Variants in PVT1 observed in about 807,000 individuals in gnomAD.
PVT1 encodes the protein Pvt1 oncogene.
At chr8:128,088,513 C>A (rs1190124748) in intron 5 of PVT1, among the ~76,000 whole-genome samples, 3 of 152,138 alleles carry the variant, frequency 2.0e-5, no homozygotes, top group African/African-American at 7.2e-5. Flanking sequence ...GCGAGGTTCC[C>A]CATTTGCAGG....
At chr8:127,936,758 C>G (rs918505612) in intron 3 of PVT1, among the ~76,000 whole-genome samples, 1 of 152,174 alleles carries the variant, frequency 6.6e-6, no homozygotes, top group African/African-American at 2.4e-5. Context: ...AACCTCACCC[C>G]TAATGTAACT....
chr8:127,805,031 A>G (rs1324179245), intron 2 of PVT1, among the ~76,000 whole-genome samples: 1 of 150,984 alleles, frequency 6.6e-6, no homozygotes, highest in Non-Finnish European at 1.5e-5. Context: ...CCCGGGTTCA[A>G]GTGATTCTCC....
chr8:127,817,909 C>G (rs922250776), intron 2 of PVT1, among the ~76,000 whole-genome samples: 4 of 151,932 alleles, frequency 2.6e-5, no homozygotes, highest in African/African-American at 9.7e-5. Flanking sequence ...GAGATTAACT[C>G]GGAGCCTGGA....
chr8:127,816,899 A>G (rs1224819450), intron 2 of PVT1, among the ~76,000 whole-genome samples: 1 of 152,166 alleles, frequency 6.6e-6, no homozygotes, highest in Non-Finnish European at 1.5e-5. Flanking sequence ...GTCTCTGCTG[A>G]TGCCTGCTGC....
intron 4 of PVT1, among the ~76,000 whole-genome samples, chr8:128,033,388 C>G (rs1220847723): frequency 6.6e-6 from 1 of 152,116 alleles, no homozygotes. Context: ...TTATGTGACT[C>G]TTGCAGCCAG....
At chr8:127,846,171 A>G (rs931743161) in intron 2 of PVT1, among the ~76,000 whole-genome samples, 1 of 152,248 alleles carries the variant, frequency 6.6e-6, no homozygotes, top group Non-Finnish European at 1.5e-5. Flanking sequence ...AAGTGGTAAT[A>G]AAAGTGAACA....
intron 5 of PVT1, among the ~76,000 whole-genome samples, chr8:128,091,615 G>A (rs1297176574): frequency 6.6e-6 from 1 of 152,160 alleles, no homozygotes; most frequent in Non-Finnish European, 1.5e-5. Flanking sequence ...TGAAAGAGCG[G>A]TAAGGTGACA....
intron 2 of PVT1, among the ~76,000 whole-genome samples, chr8:127,833,767 G>A (rs1227371978): frequency 6.6e-6 from 1 of 152,152 alleles, no homozygotes; most frequent in Non-Finnish European, 1.5e-5. Flanking sequence ...TGGCCCGAGG[G>A]CATTGGCTCT....
intron 3 of PVT1, among the ~76,000 whole-genome samples, chr8:127,921,207 GC>G (rs1313018349): frequency 6.6e-6 from 1 of 152,162 alleles, no homozygotes; most frequent in African/African-American, 2.4e-5. Flanking sequence ...CCTCCTGTGT[GC>G]CGAGCGCTGA....
rs550517351 is a variant in PVT1, at chr8:128,098,878, T to G, written n.1251+2224T>G. On this transcript the variant is annotated intron_variant and non_coding_transcript_variant, in intron 6 of 10. Coordinates refer to ENST00000651587, the Ensembl canonical transcript of PVT1. ...CAGGGACTTTTGTGCCCTCCTTCTC[T>G]GTTACCAGCAAGAGTGAGTCCTGCA... 4.5e-4 allele frequency among the ~76,000 whole-genome samples: 69 copies of G among 152,336 alleles called. 1 individual carries two copies. In the South Asian group the frequency reaches 0.013, roughly 30 times the overall value.
At chr8:127,916,024 C>T (rs1586434413) in intron 3 of PVT1, among the ~76,000 whole-genome samples, 1 of 152,374 alleles carries the variant, frequency 6.6e-6, no homozygotes, top group Admixed American at 6.5e-5. Context: ...GGACTCCCCA[C>T]ATCCCACTTA....
intron 5 of PVT1, among the ~76,000 whole-genome samples, chr8:128,086,069 T>C (rs1286537379): frequency 1.3e-5 from 2 of 152,224 alleles, no homozygotes; most frequent in African/African-American, 4.8e-5. Flanking sequence ...AAAATGTATT[T>C]TGCAAAAGGG....
In PVT1 at chr8:127,979,401, C is replaced by T. The variant is rs143320018; in HGVS notation, n.783-9761C>T. Among the ~76,000 whole-genome samples, 18 of 152,350 alleles carry T rather than the reference C, an allele frequency of 1.2e-4. 1 individual carries two copies. In the Middle Eastern group the frequency reaches 0.017, roughly 144 times the overall value. On this transcript the variant is annotated intron_variant and non_coding_transcript_variant, in intron 3 of 10. Coordinates refer to ENST00000651587, the Ensembl canonical transcript of PVT1. ...GCTCCCATTTGCTATGATATGTTTGCCCTTCTGGTCCTGGAACCTTCATCT... is the reference window on the plus strand; with the variant it reads ...GCTCCCATTTGCTATGATATGTTTGTCCTTCTGGTCCTGGAACCTTCATCT...
At chr8:127,897,057 G>T (rs1384689204) in intron 3 of PVT1, among the ~76,000 whole-genome samples, 2 of 152,146 alleles carry the variant, frequency 1.3e-5, no homozygotes, top group Non-Finnish European at 1.5e-5. Flanking sequence ...AGTGTAACAA[G>T]CCTTGAGAAA....
At chr8:127,889,409 C>T (rs939246212) in intron 2 of PVT1, among the ~76,000 whole-genome samples, 2 of 151,404 alleles carry the variant, frequency 1.3e-5, no homozygotes, top group African/African-American at 2.4e-5. Flanking sequence ...GGATTACAGG[C>T]GTGAGCCACC....
At chr8:127,846,399 C>T (rs1236943692) in intron 2 of PVT1, among the ~76,000 whole-genome samples, 2 of 152,142 alleles carry the variant, frequency 1.3e-5, no homozygotes, top group African/African-American at 2.4e-5. Context: ...ACTTGGAGGC[C>T]GTGGTTAATC....
chr8:128,013,383 C>T (rs1283398957), intron 4 of PVT1, among the ~76,000 whole-genome samples: 1 of 94,110 alleles, frequency 1.1e-5, no homozygotes, highest in Non-Finnish European at 2.2e-5. Context: ...AGATATTTTT[C>T]CTGTTTTTTT....
chr8:127,843,285 C>T (rs903746858), intron 2 of PVT1, among the ~76,000 whole-genome samples: 76 of 152,270 alleles, frequency 5.0e-4, no homozygotes, highest in African/African-American at 1.7e-3. Context: ...GTGGAGGTTG[C>T]GGTGAGCTGG....
intron 2 of PVT1, among the ~76,000 whole-genome samples, chr8:127,815,342 T>C (rs915193627): frequency 1.3e-5 from 2 of 152,200 alleles, no homozygotes. Flanking sequence ...ACTGAATGAG[T>C]TTTTAAATTC....
Sources: gnomAD v4.1 joint callset for allele counts (sites outside exome capture counted in the v4.1 genomes callset) on GRCh38, gnomAD v4.1.1 for gene constraint, MANE v1.5 for transcripts, NCBI Gene and HGNC (gene_info 2026-07-23, HGNC 2026-07-21) for gene names.